The following LEPR variants were observed in gnomAD, a reference collection of about 807,000 sequenced individuals.
LEPR encodes the protein leptin receptor.
A neutral mutation model predicts 114.7 loss-of-function variants in LEPR; 56 were observed. The observed-to-expected ratio is 0.49, with a 90% CI of 0.39 to 0.61. LEPR has a LOEUF of 0.61. Ranked by LOEUF, LEPR falls within the 20% of genes least tolerant of loss-of-function variation. LEPR has a pLI of 0.00. For missense variants in LEPR, 1,202 were observed against 1,352.9 expected, an observed-to-expected ratio of 0.89 and a Z score of 1.75; for synonymous variants, 443 against 461.4, an observed-to-expected ratio of 0.96 and a Z score of 0.51.
intron 19 of LEPR, chr1:65,634,865 T>C (rs1308824150): frequency 3.3e-5 from 29 of 877,496 alleles, no homozygotes; most frequent in Admixed American, 6.2e-5. Flanking sequence ...TATAAAACCA[T>C]AGATTTCTTT....
At chr1:65,622,292 C>G (rs763090817) in intron 18 of LEPR, among the ~76,000 whole-genome samples, 1 of 152,018 alleles carries the variant, frequency 6.6e-6, no homozygotes, top group Admixed American at 6.6e-5. Flanking sequence ...GTAAAAGTAG[C>G]CTTTTAGTGG....
At chr1:65,470,380 G>T in intron 2 of LEPR, among the ~76,000 whole-genome samples, 1 of 152,184 alleles carries the variant, frequency 6.6e-6, no homozygotes, top group East Asian at 1.9e-4. Context: ...GGTAATCTTT[G>T]GCTGGTCTTT....
At chr1:65,535,862 T>A (rs1469826196) in intron 2 of LEPR, among the ~76,000 whole-genome samples, 1 of 152,222 alleles carries the variant, frequency 6.6e-6, no homozygotes, top group African/African-American at 2.4e-5. Context: ...TCTCATTTAT[T>A]AATACTTACA....
intron 2 of LEPR, among the ~76,000 whole-genome samples, chr1:65,482,185 AATT>A (rs1291283230): frequency 6.6e-6 from 1 of 151,996 alleles, no homozygotes; most frequent in African/African-American, 2.4e-5. Context: ...TAATGGAGAC[AATT>A]ATTAAATTTA....
At chr1:65,488,854 A>T (rs1227753327) in intron 2 of LEPR, among the ~76,000 whole-genome samples, 2 of 151,922 alleles carry the variant, frequency 1.3e-5, no homozygotes, top group African/African-American at 4.8e-5. Context: ...CCCACATGTG[A>T]GTGAGAACAT....
At chr1:65,493,313 T>C (rs1433142723) in intron 2 of LEPR, among the ~76,000 whole-genome samples, 1 of 149,018 alleles carries the variant, frequency 6.7e-6, no homozygotes. Context: ...GTTTTCCTAC[T>C]TGTTCTCTTA....
intron 2 of LEPR, among the ~76,000 whole-genome samples, chr1:65,553,465 G>A (rs1388177798): frequency 6.6e-6 from 1 of 151,598 alleles, no homozygotes; most frequent in Non-Finnish European, 1.5e-5. Context: ...TCATTAAGTT[G>A]ATCTTCAATC....
intron 19 of LEPR, chr1:65,635,145 A>G: frequency 3.2e-6 from 3 of 948,128 alleles, no homozygotes; most frequent in Non-Finnish European, 3.8e-6. Flanking sequence ...TGGGTATACC[A>G]TTATTTCAAG....
chr1:65,498,658 G>A (rs986872377), intron 2 of LEPR, among the ~76,000 whole-genome samples: 2 of 152,072 alleles, frequency 1.3e-5, no homozygotes, highest in African/African-American at 4.8e-5. Flanking sequence ...TTTGGTCCTT[G>A]TTCCTTTTCC....
chr1:65,447,247 C>A (rs944775217), intron 2 of LEPR, among the ~76,000 whole-genome samples: 1 of 151,974 alleles, frequency 6.6e-6, no homozygotes, highest in Non-Finnish European at 1.5e-5. Flanking sequence ...GTCTGTAATA[C>A]ATTTGAGTTA....
intron 2 of LEPR, among the ~76,000 whole-genome samples, chr1:65,441,081 C>T (rs1325236812): frequency 1.3e-5 from 2 of 152,144 alleles, no homozygotes; most frequent in Non-Finnish European, 2.9e-5. Context: ...TTGTTAAACT[C>T]TGTGGAGATA....
chr1:65,525,962 G>T lies in LEPR; in HGVS notation c.-20-39584G>T. The T allele has an allele frequency of 5.0e-6, 4 of 794,636 alleles. No individual in the cohort carries two copies. In the South Asian group the frequency reaches 1.7e-4, roughly 34 times the overall value. 49.2% of individuals were successfully genotyped at this position (794,636 alleles called of 1,614,324 possible). A position where few individuals can be genotyped will look rare whatever the true frequency, so the allele number is the denominator to read the frequency against. On this transcript the variant is annotated intron_variant, in intron 2 of 19. Coordinates refer to ENST00000349533, the MANE Select transcript of LEPR (RefSeq NM_002303.6). ...ACTGGGAGTCCGGGGCAGCTTAGCG[G>T]GACCACCAGAGGGGCCAGCGCCCGG...
intron 16 of LEPR, 77 bp downstream of exon 16, chr1:65,618,223 C>A: frequency 7.3e-7 from 1 of 1,374,724 alleles, no homozygotes; most frequent in Non-Finnish European, 1.0e-6. Context: ...ATTAATATAG[C>A]CAGTTAATGA....
chr1:65,564,505 C>T (rs1653575151), intron 2 of LEPR, among the ~76,000 whole-genome samples: 1 of 94,496 alleles, frequency 1.1e-5, no homozygotes, highest in Non-Finnish European at 2.3e-5. Context: ...GCAGAAATCA[C>T]CCGTCTTCTG....
At position 65,605,058 on chromosome 1, in the gene LEPR, ATAT is replaced by A; in HGVS notation, c.1426_1428del (p.Ile476del). On this transcript the variant is annotated inframe_deletion, in exon 11 of 20. Coordinates refer to ENST00000349533, the MANE Select transcript of LEPR (RefSeq NM_002303.6). Reference sequence around the variant, plus strand: ...TAAAGGAGCAGCCTTTACTGTTCTGATATTCCATCTATTCATCCCATATCTGAG... The same window carrying A: ...TAAAGGAGCAGCCTTTACTGTTCTGATCCATCTATTCATCCCATATCTGAG... The A allele has an allele frequency of 6.2e-7, 1 of 1,613,524 alleles. No individual in the cohort carries two copies.
intron 2 of LEPR, among the ~76,000 whole-genome samples, chr1:65,547,683 T>C (rs1421538712): frequency 1.3e-5 from 2 of 151,032 alleles, no homozygotes; most frequent in Non-Finnish European, 2.9e-5. Flanking sequence ...TTGCATCTAT[T>C]TGATTCTTCT....
intron 10 of LEPR, 144 bp downstream of exon 10, chr1:65,602,104 G>A: frequency 1.3e-6 from 1 of 762,300 alleles, no homozygotes; most frequent in Non-Finnish European, 2.3e-6. Flanking sequence ...AATTTTTGAG[G>A]GATTATATAA....
At chr1:65,425,869 T>C (rs996181047) in intron 2 of LEPR, among the ~76,000 whole-genome samples, 2 of 152,150 alleles carry the variant, frequency 1.3e-5, no homozygotes, top group Admixed American at 6.5e-5. Context: ...GGGAGGACAT[T>C]CCAGGCAGAG....
chr1:65,489,544 AAT>A (rs1372565766), intron 2 of LEPR, among the ~76,000 whole-genome samples: 18 of 152,084 alleles, frequency 1.2e-4, no homozygotes, highest in Admixed American at 1.1e-3. Flanking sequence ...ATAGTTTGCA[AAT>A]ATTTTCTCCC....
Sources: allele counts gnomAD v4.1 joint callset (sites outside exome capture counted in the v4.1 genomes callset), GRCh38; gene constraint gnomAD v4.1.1; transcripts MANE v1.5; gene names NCBI Gene and HGNC (gene_info 2026-07-23, HGNC 2026-07-21).